Variants in TAF5 observed in about 807,000 individuals in gnomAD.
TAF5 encodes TATA-box binding protein associated factor 5.
Under a neutral mutation model 80.9 loss-of-function variants are expected in TAF5, and 20 were observed. That is an observed-to-expected ratio of 0.25 (90% CI 0.17 to 0.36). TAF5 has a LOEUF of 0.36. Ranked by LOEUF, TAF5 falls within the 10% of genes least tolerant of loss-of-function variation. The pLI, the probability that TAF5 is intolerant of heterozygous loss-of-function variation, is 1.00. For missense variants in TAF5, 863 were observed against 1,029.4 expected (o/e 0.84, Z 2.21); for synonymous variants, 388 against 406.4 (o/e 0.95, Z 0.55).
chr10:103,376,847 C>T (rs746675753), intron 2 of TAF5, among the ~76,000 whole-genome samples: 7 of 152,150 alleles, frequency 4.6e-5, no homozygotes, highest in Non-Finnish European at 8.8e-5. Context: ...AGTTCGAGAC[C>T]ATCCTGGCCA....
intron 6 of TAF5, among the ~76,000 whole-genome samples, chr10:103,382,056 GAA>G (rs1022460882): frequency 6.6e-6 from 1 of 152,116 alleles, no homozygotes; most frequent in Admixed American, 6.5e-5. Context: ...CTCATCTGTA[GAA>G]TGAGTGAGTA....
chr10:103,375,935 G>A (rs2093369075), intron 2 of TAF5, among the ~76,000 whole-genome samples: 1 of 151,728 alleles, frequency 6.6e-6, no homozygotes, highest in South Asian at 2.1e-4. Flanking sequence ...GCAGACACTT[G>A]TAATCCCAGC....
intron 6 of TAF5, 118 bp downstream of exon 6, chr10:103,381,959 C>A: frequency 2.9e-6 from 4 of 1,392,080 alleles, no homozygotes; most frequent in Non-Finnish European, 4.0e-6. Flanking sequence ...TTTACTTTAA[C>A]TCAAGATTCT....
At chr10:103,383,108 T>G (rs1414082962) in intron 6 of TAF5, 130 bp from the exon 7 acceptor site, 5 of 693,588 alleles carry the variant, frequency 7.2e-6, no homozygotes, top group Non-Finnish European at 1.1e-5. Context: ...TTTAGAGGGA[T>G]TAGCAAAGTG....
intron 1 of TAF5, among the ~76,000 whole-genome samples, chr10:103,371,887 C>A (rs542515387): frequency 6.6e-6 from 1 of 151,298 alleles, no homozygotes; most frequent in Non-Finnish European, 1.5e-5. Flanking sequence ...ATCTTTTATA[C>A]AATTTGTCTT....
At chr10:103,373,263 C>T in intron 1 of TAF5, 95 bp from the exon 2 acceptor site, 2 of 918,846 alleles carry the variant, frequency 2.2e-6, no homozygotes, top group Non-Finnish European at 3.4e-6. Context: ...AGACAACAGT[C>T]TGAGAAACAA....
intron 5 of TAF5, among the ~76,000 whole-genome samples, chr10:103,380,637 CAG>C (rs1485824281): frequency 6.7e-6 from 1 of 148,392 alleles, no homozygotes; most frequent in Non-Finnish European, 1.5e-5. Flanking sequence ...TTTTTTGAGA[CAG>C]AGTTTTGTGC....
In TAF5 at chr10:103,379,682, A is replaced by G. The variant is rs1225640808; in HGVS notation, c.1188A>G (p.Glu396=). 6.2e-7 allele frequency: 1 copy of G among 1,610,114 alleles called. No individual in the cohort carries two copies. Among genetic ancestry groups the G allele is most frequent in the Non-Finnish European group, 8.5e-7 (1 of 1,179,290 alleles). ...LDDEDEEGEN[E]EGKPKKKKPK... is the part of the protein sequence containing the mutation. The stretch of plus-strand genomic sequence containing the variant: ...ACGAGGATGAAGAGGGAGAAAATGA[A>G]GAAGGAAAACCTAAAAAGAAGAAGC... Residue 396 remains glutamate (E), a synonymous_variant, in exon 4 of 11, where the codon GAA becomes GAG. Coordinates refer to ENST00000369839, the MANE Select transcript of TAF5 (RefSeq NM_006951.5).
At position 103,385,430 on chromosome 10, in the gene TAF5, A is replaced by G; in HGVS notation, c.1769A>G (p.Asp590Gly). Reference protein sequence around the residue: ...GYKGHNYPVWDTQFSPYGYYF... With the variant: ...GYKGHNYPVWGTQFSPYGYYF... The stretch of plus-strand genomic sequence containing the variant: ...AAAGGACACAACTATCCAGTATGGG[A>G]CACACAATTTTCTCCATATGGATAT... Residue 590 changes from aspartate to glycine, a missense_variant, in exon 8 of 11, where the codon GAC (aspartate) becomes GGC (glycine). By Grantham distance (94) the Asp-to-Gly change is moderately conservative (BLOSUM62 -1). This residue lies in a region of TAF5 where 368 missense variants were observed against 461.7 expected (regional missense o/e 0.80). Transcript: ENST00000369839. The G allele has an allele frequency of 6.2e-7, 1 of 1,614,000 alleles. No homozygotes were observed. Among genetic ancestry groups the G allele is most frequent in the Non-Finnish European group, 8.5e-7 (1 of 1,180,000 alleles).
intron 1 of TAF5, among the ~76,000 whole-genome samples, chr10:103,370,096 G>A (rs2093355762): frequency 6.6e-6 from 1 of 151,428 alleles, no homozygotes; most frequent in African/African-American, 2.4e-5. Context: ...GCCGGGCGTG[G>A]TGGCGCATGC....
intron 3 of TAF5, 95 bp from the exon 4 acceptor site, chr10:103,379,513 T>TA (rs1280382996): frequency 1.2e-5 from 13 of 1,101,742 alleles, no homozygotes; most frequent in Non-Finnish European, 1.6e-5. Context: ...GAGTGTAAAT[T>TA]ACTATTTTGT....
At position 103,373,539 on chromosome 10, in the gene TAF5, G is replaced by GTACTTGGAGCTAGTC. The variant is rs767427238; in HGVS notation, c.745_759dup (p.Leu249_Tyr253dup). ...TTTTTTATCCTCTGTTTGTGCACAT[G>GTACTTGGAGCTAGTC]TACTTGGAGCTAGTCTACAATCAAC... On this transcript the variant is annotated inframe_insertion, in exon 2 of 11. Coordinates refer to ENST00000369839, the MANE Select transcript of TAF5 (RefSeq NM_006951.5). 1 of 1,614,052 alleles carries GTACTTGGAGCTAGTC rather than the reference G, an allele frequency of 6.2e-7. No homozygotes were observed. Among genetic ancestry groups the GTACTTGGAGCTAGTC allele is most frequent in the African/African-American group, 1.3e-5 (1 of 74,926 alleles).
At chr10:103,375,119 CAAAAAAAAAAAAAA>C (rs914374305) in intron 2 of TAF5, among the ~76,000 whole-genome samples, 1 of 80,650 alleles carries the variant, frequency 1.2e-5, no homozygotes, top group Non-Finnish European at 2.3e-5. Flanking sequence ...GACCCTGTCT[CAAAAAAAAAAAAAA>C]AAAAAAAGAA....
Position 103,368,388 on chromosome 10 carries a change from G to A in TAF5, c.399G>A (p.Pro133=), listed in dbSNP as rs1293732113. Reference sequence around the variant, plus strand: ...AGGCAGTGGCGGGCTCCGGAGCCCCGGGAGAGGTGGACAGCGCCGGCGCTG... The same window carrying A: ...AGGCAGTGGCGGGCTCCGGAGCCCCAGGAGAGGTGGACAGCGCCGGCGCTG... ...LEEAVAGSGA[P]GEVDSAGAEV... The change falls in exon 1 of 11, where the codon CCG becomes CCA. Residue 133 remains proline, a synonymous_variant. Coordinates refer to ENST00000369839, the MANE Select transcript of TAF5 (RefSeq NM_006951.5). The A allele has an allele frequency of 6.4e-7, 1 of 1,559,720 alleles. No individual in the cohort carries two copies. The highest frequency in any genetic ancestry group is 1.9e-5 in the Admixed American group (1 of 53,174).
At position 103,376,570 on chromosome 10, in the gene TAF5, A is replaced by G. The variant is rs2093370507; in HGVS notation, c.798-1665A>G. The stretch of plus-strand genomic sequence containing the variant: ...ATATAAGGCAAAATGTTCTGTAGCC[A>G]AGTGCTTTTGAAAAAAAAAAAAATA... On this transcript the variant is annotated intron_variant, in intron 2 of 10. Transcript: ENST00000369839. 2.0e-5 allele frequency among the ~76,000 whole-genome samples: 3 copies of G among 151,836 alleles called. No individual in the cohort carries two copies. The South Asian group carries it at 6.2e-4, about 32-fold the overall frequency.
intron 6 of TAF5, among the ~76,000 whole-genome samples, 180 bp from the exon 7 acceptor site, chr10:103,383,058 G>A (rs918627401): frequency 3.9e-5 from 6 of 152,180 alleles, no homozygotes; most frequent in Non-Finnish European, 8.8e-5. Flanking sequence ...TGTTCTGAAC[G>A]TCATTTTCTT....
chr10:103,369,562 G>A (rs2093354296), intron 1 of TAF5, among the ~76,000 whole-genome samples: 1 of 151,266 alleles, frequency 6.6e-6, no homozygotes, highest in African/African-American at 2.4e-5. Flanking sequence ...ATGGGGTTTC[G>A]CCATATTGGT....
chr10:103,381,695 G>A (rs762777857), intron 5 of TAF5, 26 bp from the exon 6 acceptor site: 8 of 1,613,190 alleles, frequency 5.0e-6, no homozygotes, highest in Non-Finnish European at 6.8e-6. Context: ...AAATAGTATT[G>A]TTTAGTCTAA....
At chr10:103,370,325 C>A (rs980281092) in intron 1 of TAF5, among the ~76,000 whole-genome samples, 1 of 88,946 alleles carries the variant, frequency 1.1e-5, no homozygotes, top group Non-Finnish European at 2.2e-5. Flanking sequence ...GGTTATGAGG[C>A]TTTTTTTTTT....
Sources: gnomAD v4.1 joint callset for allele counts (sites outside exome capture counted in the v4.1 genomes callset) on GRCh38, gnomAD v4.1.1 for gene constraint, gnomAD v4.1.1 regional missense constraint, MANE v1.5 for transcripts, NCBI Gene and HGNC (gene_info 2026-07-23, HGNC 2026-07-21) for gene names.